The following NEBL variants were observed in gnomAD, a reference collection of about 807,000 sequenced individuals.
The protein encoded by NEBL is LIM and SH3 protein 2.
A neutral mutation model predicts 140.2 loss-of-function variants in NEBL; 122 were observed. That is an observed-to-expected ratio of 0.87 (90% confidence interval 0.75 to 1.01). NEBL has a LOEUF of 1.01. NEBL is among the 50% of genes least tolerant of loss of function. The pLI is 0.00. For synonymous variants in NEBL, 436 were observed against 398.9 expected (o/e 1.09, Z -1.11); for missense variants, 1,365 against 1,231.3 (o/e 1.11, Z -1.62).
intron 2 of NEBL, among the ~76,000 whole-genome samples, chr10:21,123,877 T>C (rs1312960969): frequency 6.6e-6 from 1 of 151,530 alleles, no homozygotes; most frequent in African/African-American, 2.4e-5. Flanking sequence ...GCTTATGTTA[T>C]TTAGTAAATT....
chr10:20,797,780 G>A (rs1836700703), intron 26 of NEBL, among the ~76,000 whole-genome samples: 1 of 152,006 alleles, frequency 6.6e-6, no homozygotes, highest in Non-Finnish European at 1.5e-5. Flanking sequence ...CATGGGTCAG[G>A]TATGGCACAA....
chr10:21,288,849 T>TATATAA lies in NEBL; in HGVS notation n.182+3980_182+3981insTTATAT, dbSNP rs1216184030. On this transcript the variant is annotated intron_variant and non_coding_transcript_variant, in intron 1 of 8. Transcript: ENST00000675702. ...ATATATATATATATATATATATATA[T>TATATAA]AAAAATTTTTTTTTTTTGAGACGGA... Among the ~76,000 whole-genome samples, 3 of 88,878 alleles carry TATATAA rather than the reference T, an allele frequency of 3.4e-5. 1 individual carries two copies. The highest frequency in any genetic ancestry group is 6.1e-5 in the Non-Finnish European group (3 of 48,858). The allele number at this position is 88,878 out of a possible 152,430, so 58.3% of individuals were successfully genotyped here.
At chr10:20,953,604 G>A (rs925824688) in intron 4 of NEBL, among the ~76,000 whole-genome samples, 7 of 145,574 alleles carry the variant, frequency 4.8e-5, no homozygotes, top group African/African-American at 1.3e-4. Flanking sequence ...CATTTGTAAT[G>A]TAATTAGAAA....
At position 21,173,735 on chromosome 10, in the gene NEBL, T is replaced by C; in HGVS notation, c.69+30A>G. ...CAGGTGCAGCCCCTCGCCCGGCAGG[T>C]CCAGGCTGGCCCGGCGCCCCCTCGC... On this transcript the variant is annotated intron_variant, in intron 1 of 6. Transcript: ENST00000417816. The surrounding 1 kb of genome is among the most constrained non-coding windows in gnomAD (Gnocchi z 5.7). The C allele has an allele frequency of 6.2e-7, 1 of 1,611,468 alleles. No individual in the cohort carries two copies. Among genetic ancestry groups the C allele is most frequent in the South Asian group, 1.1e-5 (1 of 91,032 alleles).
At chr10:20,807,145 C>A (rs916034796) in intron 26 of NEBL, among the ~76,000 whole-genome samples, 1 of 151,908 alleles carries the variant, frequency 6.6e-6, no homozygotes, top group Admixed American at 6.6e-5. Flanking sequence ...GACAACATTG[C>A]GAGACCCCCG....
At chr10:20,924,774 T>C (rs948461824) in intron 4 of NEBL, among the ~76,000 whole-genome samples, 9 of 152,032 alleles carry the variant, frequency 5.9e-5, no homozygotes, top group African/African-American at 1.9e-4. Context: ...GCTTCCCCCA[T>C]AGAAAGAGAT....
intron 20 of NEBL, chr10:20,819,102 A>T (rs1839017844): frequency 9.9e-7 from 1 of 1,010,070 alleles, no homozygotes; most frequent in South Asian, 2.6e-5. Context: ...GTACATGTGC[A>T]GGTTTGTTAC....
chr10:20,882,862 T>A (rs952272820), intron 4 of NEBL, among the ~76,000 whole-genome samples: 2 of 152,180 alleles, frequency 1.3e-5, no homozygotes, highest in African/African-American at 4.8e-5. Flanking sequence ...GCCTCTAAAT[T>A]TTGAAAGTTC....
At chr10:21,016,514 C>G (rs902151230) in intron 3 of NEBL, among the ~76,000 whole-genome samples, 5 of 152,076 alleles carry the variant, frequency 3.3e-5, no homozygotes, top group African/African-American at 1.2e-4. Flanking sequence ...AAATAACTTT[C>G]TAGATTGAAT....
At chr10:21,010,529 C>T (rs1032975986) in intron 3 of NEBL, among the ~76,000 whole-genome samples, 4 of 151,398 alleles carry the variant, frequency 2.6e-5, no homozygotes, top group South Asian at 2.1e-4. Context: ...ACTGGGATTA[C>T]GGGCATGAGC....
chr10:21,258,354 A>C (rs765405729), intron 1 of NEBL, among the ~76,000 whole-genome samples: 13 of 152,182 alleles, frequency 8.5e-5, no homozygotes, highest in Non-Finnish European at 1.6e-4. Flanking sequence ...GGATCACTTG[A>C]GGTCAGGAGT....
At chr10:20,893,925 G>A (rs983087420) in intron 2 of NEBL, among the ~76,000 whole-genome samples, 1 of 152,194 alleles carries the variant, frequency 6.6e-6, no homozygotes, top group Non-Finnish European at 1.5e-5. Context: ...AGATTATCAA[G>A]CTGATCTAAC....
chr10:20,806,708 G>A (rs977144414), intron 26 of NEBL, among the ~76,000 whole-genome samples: 2 of 152,196 alleles, frequency 1.3e-5, no homozygotes, highest in African/African-American at 4.8e-5. Context: ...GCTCACTGCT[G>A]TGTGCATTGC....
chr10:20,840,386 A>G (rs1000825589), intron 13 of NEBL, among the ~76,000 whole-genome samples: 3 of 152,136 alleles, frequency 2.0e-5, no homozygotes, highest in Non-Finnish European at 4.4e-5. Flanking sequence ...CAGTTGGGTT[A>G]TGAGTGGCAA....
chr10:20,913,628 T>C (rs1848420473), intron 4 of NEBL, among the ~76,000 whole-genome samples: 1 of 152,222 alleles, frequency 6.6e-6, no homozygotes, highest in African/African-American at 2.4e-5. Context: ...CAGGAATTGT[T>C]AAATTTTATC....
chr10:20,826,316 T>C lies in NEBL; in HGVS notation c.1869+131A>G, dbSNP rs113167743. ...TTCTGAAAGTTAGATCTTTGATATATGATGAAATAGCATTTCAATAAAGTG... is the reference window on the plus strand; with the variant it reads ...TTCTGAAAGTTAGATCTTTGATATACGATGAAATAGCATTTCAATAAAGTG... On this transcript the variant is annotated intron_variant, in intron 18 of 27. Transcript: ENST00000377122. 126 of 759,904 alleles carry C rather than the reference T, an allele frequency of 1.7e-4. No homozygotes were observed. The African/African-American group carries it at 2.0e-3, about 12-fold the overall frequency. The allele number at this position is 759,904 out of a possible 1,614,324, so 47.1% of individuals were successfully genotyped here.
At chr10:20,912,437 T>C (rs1848368455) in intron 4 of NEBL, among the ~76,000 whole-genome samples, 1 of 152,182 alleles carries the variant, frequency 6.6e-6, no homozygotes, top group Non-Finnish European at 1.5e-5. Context: ...GGTGACTGAA[T>C]GAGACCTTGT....
intron 2 of NEBL, among the ~76,000 whole-genome samples, chr10:21,115,865 T>C (rs1270066686): frequency 5.9e-5 from 9 of 152,072 alleles, no homozygotes; most frequent in Non-Finnish European, 1.0e-4. Flanking sequence ...CTTCCACTCC[T>C]TTTGTGACTA....
intron 3 of NEBL, among the ~76,000 whole-genome samples, chr10:20,974,219 G>C (rs951804): frequency 6.6e-6 from 1 of 150,742 alleles, no homozygotes; most frequent in Non-Finnish European, 1.5e-5. Flanking sequence ...CAAATACTTC[G>C]TAAACTTCAA....
Sources: gnomAD v4.1 joint callset for allele counts (sites outside exome capture counted in the v4.1 genomes callset) on GRCh38, gnomAD v4.1.1 for gene constraint, Gnocchi (gnomAD v3.1) non-coding constraint, MANE v1.5 for transcripts, NCBI Gene and HGNC (gene_info 2026-07-23, HGNC 2026-07-21) for gene names.